The following RBFOX1 variants were observed in gnomAD, a reference collection of about 807,000 sequenced individuals.
RBFOX1 encodes RNA binding fox-1 homolog 1, also known as RNA binding protein fox-1 homolog 1.
RBFOX1 carries 8 observed loss-of-function variants against 57.7 expected under a neutral mutation model. The observed-to-expected ratio is 0.14, with a 90% CI of 0.08 to 0.25. RBFOX1 has a LOEUF of 0.25. Ranked by LOEUF, RBFOX1 falls within the 10% of genes least tolerant of loss-of-function variation. The pLI, the probability that RBFOX1 is intolerant of heterozygous loss-of-function variation, is 1.00. For missense variants in RBFOX1, 611 were observed against 548.5 expected, an observed-to-expected ratio of 1.11 and a Z score of -1.14; for synonymous variants, 326 against 222.4, an observed-to-expected ratio of 1.47 and a Z score of -4.15.
chr16:5,714,286 A>C (rs1168468211), intron 3 of RBFOX1, among the ~76,000 whole-genome samples: 1 of 152,202 alleles, frequency 6.6e-6, no homozygotes, highest in South Asian at 2.1e-4. Context: ...AGAAATGATA[A>C]TGTTCTGATT....
chr16:6,489,550 C>G (rs1043212939), intron 2 of RBFOX1, among the ~76,000 whole-genome samples: 1 of 152,094 alleles, frequency 6.6e-6, no homozygotes, highest in Admixed American at 6.5e-5. Flanking sequence ...GTGTTCCTAG[C>G]CATTTTCTCA....
chr16:6,789,328 A>G (rs74007044), intron 3 of RBFOX1, among the ~76,000 whole-genome samples: 13,047 of 152,132 alleles, frequency 0.086, 1,055 homozygotes, highest in East Asian at 0.23. Flanking sequence ...CTTGTCTTCA[A>G]GGTGGTGAGT....
chr16:7,229,543 G>GGA (rs1333722305), intron 4 of RBFOX1, among the ~76,000 whole-genome samples: 1 of 138,494 alleles, frequency 7.2e-6, no homozygotes, highest in Non-Finnish European at 1.6e-5. Flanking sequence ...AGGAAGGGAA[G>GGA]GAGAGAGAGA....
At chr16:7,694,411 C>G (rs555023631) in intron 14 of RBFOX1, among the ~76,000 whole-genome samples, 1 of 152,172 alleles carries the variant, frequency 6.6e-6, no homozygotes, top group Non-Finnish European at 1.5e-5. Context: ...GGACAGAGAG[C>G]TAGGAACATG....
intron 1 of RBFOX1, among the ~76,000 whole-genome samples, chr16:6,120,716 G>A (rs1331241685): frequency 6.6e-6 from 1 of 151,986 alleles, no homozygotes; most frequent in Non-Finnish European, 1.5e-5. Flanking sequence ...GTTCTTGCTT[G>A]TGGCTCTGAA....
chr16:5,546,263 A>G lies in RBFOX1; in HGVS notation c.259-52639A>G, dbSNP rs981321656. Among the ~76,000 whole-genome samples the G allele has an allele frequency of 3.3e-5, 5 of 152,212 alleles. 1 individual carries two copies. Among genetic ancestry groups the G allele is most frequent in the African/African-American group, 1.2e-4 (5 of 41,464 alleles). ...TCTCCCAAATTGATCTACAGAGTCA[A>G]TGCAGTCCAAACCAGAATCTCATCT... On this transcript the variant is annotated intron_variant, in intron 2 of 2. Transcript: ENST00000585867.
chr16:5,444,075 G>A (rs561102323), intron 1 of RBFOX1, among the ~76,000 whole-genome samples: 5 of 89,078 alleles, frequency 5.6e-5, no homozygotes, highest in South Asian at 6.6e-4. Flanking sequence ...TTCTGTTTGA[G>A]CAGAGCATTA....
intron 4 of RBFOX1, among the ~76,000 whole-genome samples, chr16:5,972,239 C>G (rs1240997640): frequency 6.6e-6 from 1 of 151,858 alleles, no homozygotes; most frequent in African/African-American, 2.4e-5. Flanking sequence ...CCTATCTGTT[C>G]TGATCCTCTG....
chr16:6,495,454 C>A (rs1231457487), intron 2 of RBFOX1, among the ~76,000 whole-genome samples: 1 of 146,666 alleles, frequency 6.8e-6, no homozygotes, highest in Non-Finnish European at 1.5e-5. Flanking sequence ...AAGATGATGT[C>A]CCCACTTTCG....
chr16:6,904,389 T>A (rs771999615), intron 3 of RBFOX1, among the ~76,000 whole-genome samples: 1 of 151,562 alleles, frequency 6.6e-6, no homozygotes, highest in Non-Finnish European at 1.5e-5. Context: ...TAAGTTGAGG[T>A]CAGGAGTTTG....
chr16:6,702,797 C>G (rs1413853676), intron 3 of RBFOX1, among the ~76,000 whole-genome samples: 1 of 152,154 alleles, frequency 6.6e-6, no homozygotes, highest in Non-Finnish European at 1.5e-5. Flanking sequence ...ACCACCTTAG[C>G]CATTTTAAAT....
chr16:7,168,725 C>A (rs538060206), intron 4 of RBFOX1, among the ~76,000 whole-genome samples: 1 of 152,120 alleles, frequency 6.6e-6, no homozygotes, highest in Non-Finnish European at 1.5e-5. Context: ...ACTCTTCAGT[C>A]CCTAAAAATA....
intron 4 of RBFOX1, among the ~76,000 whole-genome samples, chr16:6,004,577 TGC>T (rs2060660406): frequency 6.6e-6 from 1 of 152,228 alleles, no homozygotes; most frequent in African/African-American, 2.4e-5. Context: ...CACAGATTTC[TGC>T]AGCTTCTTAT....
chr16:7,371,716 C>T (rs985149548), intron 4 of RBFOX1, among the ~76,000 whole-genome samples: 16 of 152,276 alleles, frequency 1.1e-4, no homozygotes, highest in African/African-American at 3.9e-4. Context: ...CGCCACTGCA[C>T]TCCAGCCTGG....
chr16:7,142,651 C>G (rs12445853), intron 4 of RBFOX1, among the ~76,000 whole-genome samples: 11 of 151,992 alleles, frequency 7.2e-5, no homozygotes, highest in Non-Finnish European at 1.5e-4. Context: ...TGATTGATAA[C>G]AGTTTAATCA....
intron 3 of RBFOX1, among the ~76,000 whole-genome samples, chr16:6,664,520 T>C (rs142330475): frequency 2.6e-5 from 4 of 152,316 alleles, no homozygotes; most frequent in Admixed American, 2.0e-4. Flanking sequence ...GTGATACATA[T>C]ACCACAAGTA....
chr16:5,513,013 T>C (rs975450254), intron 2 of RBFOX1, among the ~76,000 whole-genome samples: 1 of 152,128 alleles, frequency 6.6e-6, no homozygotes, highest in Admixed American at 6.5e-5. Flanking sequence ...CCTCCTAGGC[T>C]CAAACGATCC....
At chr16:6,589,516 C>G (rs1366629698) in intron 2 of RBFOX1, among the ~76,000 whole-genome samples, 1 of 152,182 alleles carries the variant, frequency 6.6e-6, no homozygotes, top group Non-Finnish European at 1.5e-5. Context: ...GTGATGCCCA[C>G]TGATCCATCA....
chr16:7,469,350 C>G (rs578124074), intron 4 of RBFOX1, among the ~76,000 whole-genome samples: 1 of 152,110 alleles, frequency 6.6e-6, no homozygotes, highest in South Asian at 2.1e-4. Context: ...GCGTGAGCCA[C>G]CGCACCTGGC....
Sources: allele counts gnomAD v4.1 joint callset (sites outside exome capture counted in the v4.1 genomes callset), GRCh38; gene constraint gnomAD v4.1.1; transcripts MANE v1.5; gene names NCBI Gene and HGNC (gene_info 2026-07-23, HGNC 2026-07-21).